NDUFAF6: variants seen among roughly 807,000 people sequenced by gnomAD.
The protein encoded by NDUFAF6 is NADH:ubiquinone oxidoreductase complex assembly factor 6, also known as NADH dehydrogenase (ubiquinone) complex I, assembly factor 6.
NDUFAF6 carries 45 observed loss-of-function variants against 40.8 expected under a neutral mutation model. That is an observed-to-expected ratio of 1.10 (90% CI 0.87 to 1.42). The LOEUF (loss-of-function observed/expected upper bound fraction) is 1.42. Among genes scored for constraint, NDUFAF6 ranks in the 40% most tolerant of loss-of-function variants. The pLI is 0.00. For synonymous variants in NDUFAF6, 185 were observed against 155.9 expected (o/e 1.19, Z -1.39); for missense variants, 435 against 418.5 (o/e 1.04, Z -0.34).
chr8:94,955,036 T>C (rs1457685685), upstream of NDUFAF6, among the ~76,000 whole-genome samples: 3 of 152,198 alleles, frequency 2.0e-5, no homozygotes, highest in Non-Finnish European at 4.4e-5. Context: ...GTTCCTGCTC[T>C]GGAATGGGGA....
chr8:95,024,112 C>T (rs751130961), upstream of NDUFAF6, among the ~76,000 whole-genome samples: 7 of 152,222 alleles, frequency 4.6e-5, no homozygotes, highest in Non-Finnish European at 8.8e-5. Flanking sequence ...ATTTTGACTC[C>T]TTGGAGTTCC....
chr8:94,980,041 G>A (rs929564522), intron 1 of NDUFAF6, among the ~76,000 whole-genome samples: 5 of 151,676 alleles, frequency 3.3e-5, no homozygotes, highest in African/African-American at 1.2e-4. Context: ...AGGTTACAGT[G>A]AGCCGAGATC....
chr8:95,033,571 T>C (rs779245743), intron 2 of NDUFAF6, among the ~76,000 whole-genome samples: 59 of 152,104 alleles, frequency 3.9e-4, no homozygotes, highest in Non-Finnish European at 6.0e-4. Flanking sequence ...TAAATCATTG[T>C]GTAATGTATC....
At chr8:94,993,103 C>T (rs1484418059) in intron 2 of NDUFAF6, among the ~76,000 whole-genome samples, 1 of 152,170 alleles carries the variant, frequency 6.6e-6, no homozygotes, top group Non-Finnish European at 1.5e-5. Flanking sequence ...CTTCTGAAGC[C>T]TCTTTTCTGA....
At chr8:94,952,377 A>G (rs1020397010) in intron 2 of NDUFAF6, among the ~76,000 whole-genome samples, 2 of 152,240 alleles carry the variant, frequency 1.3e-5, no homozygotes, top group Non-Finnish European at 2.9e-5. Flanking sequence ...TTCTGTCTGT[A>G]CTGAGGAGAA....
At position 95,066,267 on chromosome 8, in the gene NDUFAF6, A is replaced by G. The variant is rs964275652; in HGVS notation, c.*512-9366A>G. Among the ~76,000 whole-genome samples the G allele has an allele frequency of 4.2e-5, 6 of 144,398 alleles. No homozygotes were observed. The East Asian group carries it at 1.0e-3, about 24-fold the overall frequency. The allele number at this position is 144,398 out of a possible 152,430, so 94.7% of individuals were successfully genotyped here. On this transcript the variant is annotated intron_variant and NMD_transcript_variant, in intron 9 of 9. Transcript: ENST00000520757. ...GCTGGGTCTATAGGCATGTGCCATC[A>G]TGCCTGGCTTGCTTGCTTGCTTTTT...
upstream of NDUFAF6, among the ~76,000 whole-genome samples, chr8:94,954,849 G>C (rs979469953): frequency 8.5e-5 from 13 of 152,186 alleles, no homozygotes; most frequent in Non-Finnish European, 5.9e-5. Flanking sequence ...TTCCAGAAAG[G>C]CCCACAGATC....
intron 1 of NDUFAF6, among the ~76,000 whole-genome samples, chr8:94,965,509 C>T (rs1346676835): frequency 6.6e-6 from 1 of 152,132 alleles, no homozygotes; most frequent in Non-Finnish European, 1.5e-5. Context: ...AAGGAAACAA[C>T]CTTGGTAGAA....
At position 95,058,582 on chromosome 8, in the gene NDUFAF6, G is replaced by C; in HGVS notation, c.*645G>C. 18 of 1,197,166 alleles carry C rather than the reference G, an allele frequency of 1.5e-5. No homozygotes were observed. The highest frequency in any genetic ancestry group is 1.9e-5 in the Non-Finnish European group (18 of 967,062). The allele number at this position is 1,197,166 out of a possible 1,614,324, so 74.2% of individuals were successfully genotyped here. On this transcript the variant is annotated 3_prime_UTR_variant, in exon 9 of 9. Coordinates refer to ENST00000396124, the MANE Select transcript of NDUFAF6 (RefSeq NM_152416.4). The stretch of plus-strand genomic sequence containing the variant: ...CTGGTCTGGAAGCTTTTACTTTTTT[G>C]TTAATCCCACTTCCTCACTCTGTCA...
At chr8:95,065,660 C>A (rs1273961207) in intron 9 of NDUFAF6, among the ~76,000 whole-genome samples, 1 of 152,118 alleles carries the variant, frequency 6.6e-6, no homozygotes, top group Non-Finnish European at 1.5e-5. Flanking sequence ...TGAGGTCTAC[C>A]TTTCCTTTAA....
chr8:95,090,675 G>A (rs1809220440), intron 2 of NDUFAF6, among the ~76,000 whole-genome samples: 1 of 152,160 alleles, frequency 6.6e-6, no homozygotes, highest in Admixed American at 6.5e-5. Flanking sequence ...TGATTGGATT[G>A]AAGGATACAA....
upstream of NDUFAF6, among the ~76,000 whole-genome samples, chr8:94,955,816 C>G (rs1178431571): frequency 1.3e-5 from 2 of 152,154 alleles, no homozygotes; most frequent in East Asian, 3.9e-4. Context: ...GAATTTGTGC[C>G]TACCTAACCT....
At chr8:95,114,606 A>G (rs1418963366) in intron 4 of NDUFAF6, among the ~76,000 whole-genome samples, 1 of 152,202 alleles carries the variant, frequency 6.6e-6, no homozygotes, top group Non-Finnish European at 1.5e-5. Context: ...TATTTCAGTG[A>G]CTGTACTTAT....
chr8:95,046,941 G>T, intron 5 of NDUFAF6, 53 bp from the exon 6 acceptor site: 2 of 1,609,236 alleles, frequency 1.2e-6, no homozygotes, highest in Admixed American at 1.7e-5. Flanking sequence ...TATTTCTATT[G>T]ATTTATTATG....
At chr8:95,060,278 A>C (rs540380428), downstream of NDUFAF6, among the ~76,000 whole-genome samples, 1 of 152,244 alleles carries the variant, frequency 6.6e-6, no homozygotes, top group South Asian at 2.1e-4. Flanking sequence ...TGATTTTTTC[A>C]AATCTCTGGG....
intron 2 of NDUFAF6, among the ~76,000 whole-genome samples, chr8:94,982,392 C>G (rs954471712): frequency 4.5e-4 from 68 of 152,154 alleles, no homozygotes; most frequent in African/African-American, 1.6e-3. Context: ...GTGTAGTAGG[C>G]TAAGCCATCT....
chr8:95,114,326 C>A (rs1810082259), intron 4 of NDUFAF6, among the ~76,000 whole-genome samples: 1 of 152,286 alleles, frequency 6.6e-6, no homozygotes, highest in East Asian at 1.9e-4. Flanking sequence ...CCCAGTGGTT[C>A]CCTGACAGGC....
At chr8:95,076,648 T>A (rs1054769101), downstream of NDUFAF6, among the ~76,000 whole-genome samples, 8 of 151,882 alleles carry the variant, frequency 5.3e-5, no homozygotes, top group African/African-American at 1.9e-4. Context: ...CTGAGGCAGG[T>A]GGATCACCTG....
At chr8:94,908,247 C>T (rs185646049) in intron 1 of NDUFAF6, among the ~76,000 whole-genome samples, 17 of 152,106 alleles carry the variant, frequency 1.1e-4, no homozygotes, top group Admixed American at 9.8e-4. Flanking sequence ...GGTATAGTGC[C>T]TAAAACAGAA....
Sources: gnomAD v4.1 joint callset for allele counts (sites outside exome capture counted in the v4.1 genomes callset) on GRCh38, gnomAD v4.1.1 for gene constraint, MANE v1.5 for transcripts, NCBI Gene and HGNC (gene_info 2026-07-23, HGNC 2026-07-21) for gene names.